The following SLC14A2 variants were observed in gnomAD, a reference collection of about 807,000 sequenced individuals.
SLC14A2 encodes solute carrier family 14 member 2, also known as urea transporter 2.
Under a neutral mutation model 104.6 loss-of-function variants are expected in SLC14A2, and 91 were observed. The observed-to-expected ratio is 0.87, with a 90% CI of 0.73 to 1.04. The LOEUF (loss-of-function observed/expected upper bound fraction) is 1.04, where lower values mean the gene tolerates loss of function less well. Among genes scored for constraint, SLC14A2 ranks in the 50% least tolerant of loss-of-function variants. SLC14A2 has a pLI of 0.00. For synonymous variants in SLC14A2, 476 were observed against 466.4 expected, an observed-to-expected ratio of 1.02 and a Z score of -0.27; for missense variants, 1,189 against 1,156.0, an observed-to-expected ratio of 1.03 and a Z score of -0.41.
chr18:45,554,733 G>A (rs1196901204), intron 2 of SLC14A2, among the ~76,000 whole-genome samples: 2 of 152,154 alleles, frequency 1.3e-5, no homozygotes, highest in African/African-American at 4.8e-5. Flanking sequence ...GGAAACAGCA[G>A]GCAGGGTATA....
chr18:45,639,825 C>T lies in SLC14A2; in HGVS notation c.923C>T (p.Ala308Val), dbSNP rs1247069109. The T allele has an allele frequency of 6.2e-7, 1 of 1,613,940 alleles. No individual in the cohort carries two copies. ...TGGACAGGCGGCGTGTTCCTGGTGG[C>T]TCTGTTCATCTCCTCGCCACTCATC... ...NPWTGGVFLVALFISSPLICL... is the reference protein window; with the variant it reads ...NPWTGGVFLVVLFISSPLICL... The change falls in exon 7 of 20, where the codon GCT (alanine) becomes GTT (valine). Residue 308 changes from alanine to valine, a missense_variant. By Grantham distance (64) the Ala-to-Val change is moderately conservative. Transcript: ENST00000255226.
At chr18:45,608,809 T>C (rs1225919615) in intron 2 of SLC14A2, among the ~76,000 whole-genome samples, 1 of 152,184 alleles carries the variant, frequency 6.6e-6, no homozygotes, top group African/African-American at 2.4e-5. Context: ...TTTGGGAATG[T>C]AATAAAAGCT....
At chr18:45,385,093 C>T (rs1371660915) in intron 1 of SLC14A2, among the ~76,000 whole-genome samples, 1 of 152,236 alleles carries the variant, frequency 6.6e-6, no homozygotes, top group African/African-American at 2.4e-5. Context: ...TGAAAAACAT[C>T]TGCACACTGA....
the SLC14A2 span, among the ~76,000 whole-genome samples, chr18:45,207,376 G>A: frequency 6.9e-6 from 1 of 144,184 alleles, no homozygotes; most frequent in Admixed American, 7.1e-5. Context: ...GGAAAAGAAG[G>A]AAGGAAGGAA....
intron 2 of SLC14A2, among the ~76,000 whole-genome samples, chr18:45,566,971 T>C (rs983150870): frequency 2.6e-5 from 4 of 152,114 alleles, no homozygotes; most frequent in Admixed American, 2.0e-4. Flanking sequence ...AATCTGGTGA[T>C]TTATTTGAGC....
chr18:45,590,991 C>T (rs1198909396), intron 2 of SLC14A2, among the ~76,000 whole-genome samples: 1 of 152,166 alleles, frequency 6.6e-6, no homozygotes, highest in Non-Finnish European at 1.5e-5. Context: ...ATGTGAACCT[C>T]AGCATGGGTG....
upstream of SLC14A2, among the ~76,000 whole-genome samples, chr18:45,613,200 A>G (rs2045000524): frequency 6.6e-6 from 1 of 152,042 alleles, no homozygotes; most frequent in Admixed American, 6.5e-5. Flanking sequence ...ATGCCCAGCT[A>G]ATTTTTTGTA....
At position 45,480,208 on chromosome 18, in the gene SLC14A2, A is replaced by G. The variant is rs945285701; in HGVS notation, c.-124-3025A>G. 1.9e-4 allele frequency among the ~76,000 whole-genome samples: 29 copies of G among 152,344 alleles called. No individual in the cohort carries two copies. The Middle Eastern group carries it at 0.01, about 54-fold the overall frequency. On this transcript the variant is annotated intron_variant, in intron 1 of 20. Transcript: ENST00000586448. ...CATTTCTGATTTGCTTGAGTCTACA[A>G]GTAACACCAAAAACTTTGCTACCTG...
chr18:45,668,233 G>A (rs2046064504), intron 14 of SLC14A2, 116 bp from the exon 15 acceptor site: 2 of 1,372,916 alleles, frequency 1.5e-6, no homozygotes, highest in Non-Finnish European at 1.0e-6. Flanking sequence ...CCAGAAGGGT[G>A]GTCTATTTGA....
intron 2 of SLC14A2, among the ~76,000 whole-genome samples, chr18:45,592,317 T>A (rs1048888042): frequency 6.6e-6 from 1 of 152,174 alleles, no homozygotes; most frequent in East Asian, 1.9e-4. Flanking sequence ...GCCTATATAA[T>A]AAATAAAAAT....
intron 2 of SLC14A2, among the ~76,000 whole-genome samples, chr18:45,600,985 G>A (rs918325398): frequency 6.6e-6 from 1 of 152,084 alleles, no homozygotes; most frequent in Non-Finnish European, 1.5e-5. Context: ...TTCTGCCCAG[G>A]GTCATAATGC....
the SLC14A2 span, among the ~76,000 whole-genome samples, chr18:45,200,652 A>G: frequency 6.6e-6 from 1 of 152,308 alleles, no homozygotes; most frequent in East Asian, 1.9e-4. Context: ...CACAGAGACT[A>G]AGGAACAAAT....
At chr18:45,387,392 C>T (rs561999895) in intron 1 of SLC14A2, among the ~76,000 whole-genome samples, 2 of 152,248 alleles carry the variant, frequency 1.3e-5, no homozygotes, top group South Asian at 4.1e-4. Flanking sequence ...CATGTCACTC[C>T]CACAAGTAAG....
upstream of SLC14A2, among the ~76,000 whole-genome samples, chr18:45,613,486 A>T: frequency 6.6e-6 from 1 of 152,160 alleles, no homozygotes; most frequent in Admixed American, 6.5e-5. Context: ...AGATAGAAAG[A>T]TGTGGGAAAG....
chr18:45,446,608 A>C (rs1405998121), intron 1 of SLC14A2, among the ~76,000 whole-genome samples: 2 of 152,228 alleles, frequency 1.3e-5, no homozygotes, highest in Non-Finnish European at 1.5e-5. Context: ...AGATCTATCT[A>C]TCAATACTAT....
At chr18:45,364,645 C>G (rs2085648579) in intron 1 of SLC14A2, among the ~76,000 whole-genome samples, 1 of 152,110 alleles carries the variant, frequency 6.6e-6, no homozygotes, top group South Asian at 2.1e-4. Flanking sequence ...TGAAAGATGT[C>G]CATGATATGT....
At chr18:45,373,074 A>G (rs1015281131) in intron 1 of SLC14A2, among the ~76,000 whole-genome samples, 1 of 152,168 alleles carries the variant, frequency 6.6e-6, no homozygotes, top group African/African-American at 2.4e-5. Flanking sequence ...CTTGTAGACT[A>G]TCTGATGGAG....
rs1461556074 is a variant in SLC14A2, at chr18:45,525,435, T to A, written c.-35+42113T>A. 3.3e-5 allele frequency among the ~76,000 whole-genome samples: 5 copies of A among 152,206 alleles called. No individual in the cohort carries two copies. The East Asian group carries it at 9.6e-4, about 29-fold the overall frequency. ...CATGCATGTCTTGAAGAATGTCTCC[T>A]ACCACTTCCAAGATCCCTAGAGATA... On this transcript the variant is annotated intron_variant, in intron 2 of 20. Transcript: ENST00000586448.
intron 10 of SLC14A2, among the ~76,000 whole-genome samples, chr18:45,657,929 G>T (rs558581029): frequency 2.5e-4 from 38 of 152,286 alleles, no homozygotes; most frequent in Non-Finnish European, 4.4e-4. Context: ...ACAGAGAATA[G>T]CCTAGGAAAT....
Sources: allele counts gnomAD v4.1 joint callset (sites outside exome capture counted in the v4.1 genomes callset), GRCh38; gene constraint gnomAD v4.1.1; transcripts MANE v1.5; gene names NCBI Gene and HGNC (gene_info 2026-07-23, HGNC 2026-07-21).